The following DGKB variants were observed in gnomAD, a reference collection of about 807,000 sequenced individuals.
DGKB encodes the protein diacylglycerol kinase beta.
In DGKB, 67 loss-of-function variants were observed where a neutral mutation model predicts 114.3. The ratio of observed to expected loss-of-function variants is 0.59; its 90% confidence interval spans 0.48 to 0.72. The LOEUF is 0.72. DGKB is among the 30% of genes least tolerant of loss of function. The probability of loss-of-function intolerance (pLI) is 0.00; values close to 1 mark genes in which losing one functional copy is unlikely to be tolerated. For synonymous variants in DGKB, 398 were observed against 323.1 expected (o/e 1.23, Z -2.49); for missense variants, 907 against 975.2 (o/e 0.93, Z 0.93).
chr7:14,807,729 A>AT (rs1842946241), intron 2 of DGKB, among the ~76,000 whole-genome samples: 1 of 151,954 alleles, frequency 6.6e-6, no homozygotes, highest in Non-Finnish European at 1.5e-5. Context: ...TCAACCAGAC[A>AT]TTTTATGGTA....
At chr7:14,158,077 A>C (rs1783302376) in intron 25 of DGKB, among the ~76,000 whole-genome samples, 1 of 152,210 alleles carries the variant, frequency 6.6e-6, no homozygotes, top group South Asian at 2.1e-4. Context: ...CTCAGTTTTG[A>C]CCTTCGGTCT....
rs1781580067 is a variant in DGKB, at chr7:14,472,581, G to A, written c.1835+5580C>T. ...CTGCTGAAAAGATACCCAAAAATGT[G>A]AGAGCAACTTTGGAACTGGGTAACA... On this transcript the variant is annotated intron_variant, in intron 21 of 25. Transcript: ENST00000402815. Among the ~76,000 whole-genome samples, 3 of 152,312 alleles carry A rather than the reference G, an allele frequency of 2.0e-5. No homozygotes were observed. The South Asian group carries it at 6.2e-4, about 32-fold the overall frequency.
chr7:14,634,946 AC>A (rs1328697706), intron 13 of DGKB, among the ~76,000 whole-genome samples: 1 of 151,678 alleles, frequency 6.6e-6, no homozygotes, highest in East Asian at 1.9e-4. Context: ...CTTTATTAAA[AC>A]CTTTAGTAAG....
chr7:14,890,987 AT>A (rs1030059081), intron 1 of DGKB, among the ~76,000 whole-genome samples: 18 of 151,602 alleles, frequency 1.2e-4, no homozygotes, highest in African/African-American at 3.6e-4. Flanking sequence ...ATAGAATAAC[AT>A]TATTGAGTAT....
chr7:14,591,920 T>C (rs1042953586), intron 17 of DGKB, among the ~76,000 whole-genome samples: 5 of 151,852 alleles, frequency 3.3e-5, no homozygotes, highest in African/African-American at 1.2e-4. Flanking sequence ...GAAAAGAAAA[T>C]TGTAGTACTG....
At chr7:14,566,937 G>C (rs1797473723) in intron 20 of DGKB, among the ~76,000 whole-genome samples, 1 of 150,312 alleles carries the variant, frequency 6.7e-6, no homozygotes, top group South Asian at 2.1e-4. Flanking sequence ...GTCCTTCATG[G>C]TAGCTTTTGT....
At chr7:14,239,732 G>T in intron 23 of DGKB, among the ~76,000 whole-genome samples, 1 of 151,972 alleles carries the variant, frequency 6.6e-6, no homozygotes, top group East Asian at 1.9e-4. Flanking sequence ...ACAATATAAA[G>T]TTGCTCCAGA....
chr7:14,676,062 A>G (rs1418858699), intron 12 of DGKB, among the ~76,000 whole-genome samples: 2 of 152,128 alleles, frequency 1.3e-5, no homozygotes, highest in Non-Finnish European at 2.9e-5. Flanking sequence ...GACCACCTAT[A>G]AAGTGTAAAA....
At chr7:14,665,876 G>A (rs542651034) in intron 13 of DGKB, among the ~76,000 whole-genome samples, 29 of 152,044 alleles carry the variant, frequency 1.9e-4, no homozygotes, top group African/African-American at 7.0e-4. Flanking sequence ...CCTCCTATAT[G>A]AGATTACTCT....
At chr7:14,919,853 G>T (rs986263695) in intron 1 of DGKB, among the ~76,000 whole-genome samples, 2 of 151,974 alleles carry the variant, frequency 1.3e-5, no homozygotes, top group African/African-American at 2.4e-5. Context: ...CCTCTCTCTT[G>T]CTCCTTTCCT....
intron 2 of DGKB, among the ~76,000 whole-genome samples, chr7:14,780,892 G>A (rs1027427423): frequency 6.6e-6 from 1 of 152,030 alleles, no homozygotes; most frequent in Non-Finnish European, 1.5e-5. Context: ...CTTTTTTTAT[G>A]ATGTAGCTCT....
intron 4 of DGKB, among the ~76,000 whole-genome samples, chr7:14,739,402 G>A (rs1832214632): frequency 6.6e-6 from 1 of 152,184 alleles, no homozygotes; most frequent in Non-Finnish European, 1.5e-5. Context: ...CTCTATGCAG[G>A]GGAGAATCTT....
intron 23 of DGKB, among the ~76,000 whole-genome samples, chr7:14,205,765 G>C (rs1786696919): frequency 6.6e-6 from 1 of 151,874 alleles, no homozygotes. Flanking sequence ...ATTCTCAACT[G>C]CTTCTATGTT....
At chr7:14,629,794 A>T (rs1298701689) in intron 14 of DGKB, among the ~76,000 whole-genome samples, 1 of 152,106 alleles carries the variant, frequency 6.6e-6, no homozygotes, top group Non-Finnish European at 1.5e-5. Context: ...ATTCATTTGA[A>T]AGTGATGGGC....
Position 14,147,372 on chromosome 7 carries a change from T to C in DGKB, c.*1759A>G, listed in dbSNP as rs1440453767. Reference sequence around the variant, plus strand: ...ATTAAGCTTATTGTTGATTGATATTTACCGTCCAATGTTCCAGGAACACTA... The same window carrying C: ...ATTAAGCTTATTGTTGATTGATATTCACCGTCCAATGTTCCAGGAACACTA... On this transcript the variant is annotated 3_prime_UTR_variant, in exon 26 of 26. Transcript: ENST00000402815. The C allele has an allele frequency of 3.9e-5, 6 of 152,328 alleles. No individual in the cohort carries two copies. Among genetic ancestry groups the C allele is most frequent in the South Asian group, 2.1e-4 (1 of 4,830 alleles). The allele number at this position is 152,328 out of a possible 1,614,324, so 9.4% of individuals were successfully genotyped here.
chr7:14,795,774 G>A (rs1209035252), intron 2 of DGKB, among the ~76,000 whole-genome samples: 3 of 152,078 alleles, frequency 2.0e-5, no homozygotes, highest in Non-Finnish European at 2.9e-5. Flanking sequence ...CTATGGACTA[G>A]GCTTACTGAT....
At position 14,145,557 on chromosome 7, in the gene DGKB, C is replaced by G. The variant is rs530080989; in HGVS notation, c.*3574G>C. On this transcript the variant is annotated 3_prime_UTR_variant, in exon 26 of 26. Transcript: ENST00000402815. ...CACTGCAACCGCAGCCTCCCGAGTT[C>G]AAGCAATTCTTCTGCCTCAGCCTCC... 7.2e-5 allele frequency: 11 copies of G among 151,942 alleles called. No individual in the cohort carries two copies. The highest frequency in any genetic ancestry group is 2.4e-4 in the African/African-American group (10 of 41,418). 9.4% of individuals were successfully genotyped at this position (151,942 alleles called of 1,614,324 possible).
rs1847596684 is a variant in DGKB at position 14,839,384 on chromosome 7, A to G, written c.70+1810T>C. On this transcript the variant is annotated intron_variant, in intron 2 of 25. Coordinates refer to ENST00000402815, the MANE Select transcript of DGKB (RefSeq NM_001350709.2). ...AAGAAGAAGTAGGCCATTCTGAACT[A>G]AATTTTCTTTACTCTTCTTCTTCTT... 2.0e-5 allele frequency among the ~76,000 whole-genome samples: 3 copies of G among 151,898 alleles called. No homozygotes were observed. In the South Asian group the frequency reaches 6.2e-4, roughly 32 times the overall value.
chr7:14,508,786 T>A (rs1787516770), intron 20 of DGKB, among the ~76,000 whole-genome samples: 1 of 152,130 alleles, frequency 6.6e-6, no homozygotes. Flanking sequence ...ATGAGTCATA[T>A]AATTTAGTCA....
Sources: allele counts gnomAD v4.1 joint callset (sites outside exome capture counted in the v4.1 genomes callset), GRCh38; gene constraint gnomAD v4.1.1; transcripts MANE v1.5; gene names NCBI Gene and HGNC (gene_info 2026-07-23, HGNC 2026-07-21).